Variants in ETFDH observed in about 807,000 individuals in gnomAD.
ETFDH encodes the protein electron transfer flavoprotein dehydrogenase, also known as electron transfer flavoprotein-ubiquinone oxidoreductase, mitochondrial.
ETFDH carries 61 observed loss-of-function variants against 73.2 expected under a neutral mutation model. That is an observed-to-expected ratio of 0.83 (90% CI 0.68 to 1.03). The LOEUF (loss-of-function observed/expected upper bound fraction) is 1.03. Ranked by LOEUF, ETFDH falls within the 50% of genes least tolerant of loss-of-function variation. The probability of loss-of-function intolerance (pLI) is 0.00; values close to 1 mark genes in which losing one functional copy is unlikely to be tolerated. For synonymous variants in ETFDH, 243 were observed against 253.3 expected, an observed-to-expected ratio of 0.96 and a Z score of 0.39; for missense variants, 685 against 745.0, an observed-to-expected ratio of 0.92 and a Z score of 0.94.
chr4:158,685,495 TA>T (rs1398262970), intron 5 of ETFDH, among the ~76,000 whole-genome samples: 1 of 152,202 alleles, frequency 6.6e-6, no homozygotes, highest in African/African-American at 2.4e-5. Context: ...GAACAGAACT[TA>T]CCTATGGTTT....
At chr4:158,685,444 G>A (rs913516233) in intron 5 of ETFDH, among the ~76,000 whole-genome samples, 1 of 152,176 alleles carries the variant, frequency 6.6e-6, no homozygotes, top group African/African-American at 2.4e-5. Context: ...CACCATAAGG[G>A]ATGAAAAATT....
chr4:158,672,595 T>C, intron 1 of ETFDH, 105 bp downstream of exon 1: 1 of 1,163,878 alleles, frequency 8.6e-7, no homozygotes, highest in East Asian at 2.4e-5. Flanking sequence ...TCATCAGCTT[T>C]CTCAGGCTAT....
In ETFDH at chr4:158,708,972, T is replaced by A. The variant is rs1364672629; in HGVS notation, c.*445T>A. 1.1e-5 allele frequency: 2 copies of A among 183,046 alleles called. No homozygotes were observed. Among genetic ancestry groups the A allele is most frequent in the Non-Finnish European group, 2.3e-5 (2 of 87,616 alleles). 11.3% of individuals were successfully genotyped at this position (183,046 alleles called of 1,614,324 possible). ...ACATGGTCTACAAAGCCTAAAAACTTTATGATCTGGCCCTTGCAGAAGAAG... is the reference window on the plus strand; with the variant it reads ...ACATGGTCTACAAAGCCTAAAAACTATATGATCTGGCCCTTGCAGAAGAAG... On this transcript the variant is annotated 3_prime_UTR_variant, in exon 13 of 13. Coordinates refer to ENST00000511912, the MANE Select transcript of ETFDH (RefSeq NM_004453.4).
chr4:158,676,353 G>C (rs1345512999), intron 1 of ETFDH, among the ~76,000 whole-genome samples: 1 of 152,140 alleles, frequency 6.6e-6, no homozygotes, highest in African/African-American at 2.4e-5. Flanking sequence ...TGCAGGATCT[G>C]CAAAATATCT....
chr4:158,672,394 C>T lies in ETFDH; in HGVS notation c.-63C>T. The T allele has an allele frequency of 6.3e-7, 1 of 1,578,156 alleles. No homozygotes were observed. The highest frequency in any genetic ancestry group is 8.7e-7 in the Non-Finnish European group (1 of 1,147,540). ...CCCCCCGCGGCCTAGAGGTCCAGCG[C>T]CCGCCGCGAGCAGCGGACAGTCCTC... On this transcript the variant is annotated 5_prime_UTR_variant, in exon 1 of 13. Coordinates refer to ENST00000511912, the MANE Select transcript of ETFDH (RefSeq NM_004453.4).
chr4:158,686,679 A>G (rs920178377), intron 5 of ETFDH, among the ~76,000 whole-genome samples: 1 of 152,142 alleles, frequency 6.6e-6, no homozygotes, highest in African/African-American at 2.4e-5. Flanking sequence ...GGTTTCTATG[A>G]CTCAACCTTG....
In ETFDH at chr4:158,699,438, C is replaced by T. The variant is rs187244296; in HGVS notation, c.1116+308C>T. Among the ~76,000 whole-genome samples the T allele has an allele frequency of 7.9e-5, 12 of 152,206 alleles. No individual in the cohort carries two copies. In the East Asian group the frequency reaches 1.5e-3, roughly 20 times the overall value. ...TGGAAAGATTAGCCAGGCATGGTGA[C>T]GAGCGCCTGTGGTCCCAGCTACTCA... On this transcript the variant is annotated intron_variant, in intron 9 of 12. Transcript: ENST00000511912.
intron 1 of ETFDH, among the ~76,000 whole-genome samples, chr4:158,676,328 A>G (rs748630690): frequency 4.9e-4 from 75 of 152,138 alleles, no homozygotes; most frequent in Non-Finnish European, 1.0e-3. Flanking sequence ...GGGTGGTGCC[A>G]GCTGATCCAT....
chr4:158,691,875 C>G (rs543710837), intron 6 of ETFDH, among the ~76,000 whole-genome samples: 4 of 152,310 alleles, frequency 2.6e-5, no homozygotes, highest in African/African-American at 9.6e-5. Context: ...ACTAACCTGC[C>G]TATTCAGGTT....
At position 158,705,707 on chromosome 4, in the gene ETFDH, A is replaced by T. The variant is rs1184484723; in HGVS notation, c.1286-482A>T. On this transcript the variant is annotated intron_variant, in intron 10 of 12. Transcript: ENST00000511912. Reference sequence around the variant, plus strand: ...CCTGTTAATAACATATCTATATCTAATGGTTGTCTTTTTGGAAGATGCCAA... The same window carrying T: ...CCTGTTAATAACATATCTATATCTATTGGTTGTCTTTTTGGAAGATGCCAA... Among the ~76,000 whole-genome samples, 3 of 152,230 alleles carry T rather than the reference A, an allele frequency of 2.0e-5. No homozygotes were observed. The South Asian group carries it at 6.2e-4, about 32-fold the overall frequency.
chr4:158,692,458 G>C (rs1774195968), intron 6 of ETFDH, among the ~76,000 whole-genome samples: 1 of 149,876 alleles, frequency 6.7e-6, no homozygotes, highest in Non-Finnish European at 1.5e-5. Context: ...ACTCCTAGTG[G>C]TTTAACTGAC....
intron 5 of ETFDH, among the ~76,000 whole-genome samples, chr4:158,686,799 T>C (rs1263305292): frequency 6.6e-6 from 1 of 152,158 alleles, no homozygotes; most frequent in Non-Finnish European, 1.5e-5. Context: ...CAGTTCCAGG[T>C]ACTCAGCATA....
intron 9 of ETFDH, among the ~76,000 whole-genome samples, chr4:158,702,664 T>C (rs1291123404): frequency 6.6e-6 from 1 of 152,254 alleles, no homozygotes. Flanking sequence ...TCCAGCTGAA[T>C]AGTATTCCAT....
At chr4:158,673,514 G>A (rs1296394994) in intron 1 of ETFDH, among the ~76,000 whole-genome samples, 3 of 151,986 alleles carry the variant, frequency 2.0e-5, no homozygotes, top group African/African-American at 7.3e-5. Context: ...CTTAAGTTTT[G>A]GTGATAGAAT....
chr4:158,684,811 C>G (rs1292315250), intron 4 of ETFDH, 138 bp downstream of exon 4: 2 of 676,644 alleles, frequency 3.0e-6, no homozygotes. Flanking sequence ...AGCTATACAG[C>G]TAGCTGGTGG....
Position 158,672,505 on chromosome 4 carries a change from G to A in ETFDH, c.34+15G>A. The stretch of plus-strand genomic sequence containing the variant: ...GTCCTGCCTGGGTGAGAGGAAACGG[G>A]CGGTGGGGATAAGTGGAGGAGTTAG... On this transcript the variant is annotated intron_variant, in intron 1 of 12. Transcript: ENST00000511912. 6.2e-7 allele frequency: 1 copy of A among 1,614,076 alleles called. No individual in the cohort carries two copies. The highest frequency in any genetic ancestry group is 1.1e-5 in the South Asian group (1 of 91,068).
At chr4:158,672,516 A>T (rs1439489117) in intron 1 of ETFDH, 26 bp downstream of exon 1, 1 of 1,613,472 alleles carries the variant, frequency 6.2e-7, no homozygotes, top group Non-Finnish European at 8.5e-7. Flanking sequence ...CGGTGGGGAT[A>T]AGTGGAGGAG....
At position 158,697,557 on chromosome 4, in the gene ETFDH, A is replaced by G; in HGVS notation, c.832-2A>G. 6.4e-7 allele frequency: 1 copy of G among 1,568,812 alleles called. No individual in the cohort carries two copies. Among genetic ancestry groups the G allele is most frequent in the Admixed American group, 1.8e-5 (1 of 55,366 alleles). ...TTTTTTGTTTGCTTTTTTTTTTTTT[A>G]GTTATGGGTTATTGATGAAAAGAAC... On this transcript the variant is annotated splice_acceptor_variant, in intron 7 of 12. Coordinates refer to ENST00000511912, the MANE Select transcript of ETFDH (RefSeq NM_004453.4). LOFTEE classifies it high-confidence loss of function.
intron 1 of ETFDH, among the ~76,000 whole-genome samples, chr4:158,673,702 T>A (rs1773641333): frequency 6.6e-6 from 1 of 152,254 alleles, no homozygotes. Flanking sequence ...AACGTTAAAG[T>A]AGTCAGATGC....
Sources: gnomAD v4.1 joint callset for allele counts (sites outside exome capture counted in the v4.1 genomes callset) on GRCh38, gnomAD v4.1.1 for gene constraint, MANE v1.5 for transcripts, NCBI Gene and HGNC (gene_info 2026-07-23, HGNC 2026-07-21) for gene names.